The following IGLL5 variants were observed in gnomAD, a reference collection of about 807,000 sequenced individuals.
IGLL5 encodes immunoglobulin lambda-like polypeptide 5.
In IGLL5, 30 loss-of-function variants were observed where a neutral mutation model predicts 20.9. The observed-to-expected ratio is 1.44, with a 90% CI of 1.07 to 1.95. The LOEUF (loss-of-function observed/expected upper bound fraction) is 1.95. Among genes scored for constraint, IGLL5 ranks in the 30% most tolerant of loss-of-function variants. The pLI is 0.00. For synonymous variants in IGLL5, 203 were observed against 117.3 expected, an observed-to-expected ratio of 1.73 and a Z score of -4.72; for missense variants, 475 against 270.7, an observed-to-expected ratio of 1.75 and a Z score of -5.30.
Position 22,888,560 on chromosome 22 carries a change from C to T in IGLL5, c.206+301C>T, listed in dbSNP as rs5759505. On this transcript the variant is annotated intron_variant, in intron 1 of 2. Transcript: ENST00000526893. ...CCTAGTCCTCTGGGTAGGGAAGGAA[C>T]AGAGGCAGGGACAGGACATCCACAG... 1.3e-4 allele frequency among the ~76,000 whole-genome samples: 20 copies of T among 151,326 alleles called. 1 individual carries two copies. The highest frequency in any genetic ancestry group is 7.4e-3 in the Middle Eastern group (2 of 270).
intron 1 of IGLL5, among the ~76,000 whole-genome samples, chr22:22,888,581 C>T (rs569346247): frequency 2.0e-5 from 3 of 151,276 alleles, no homozygotes; most frequent in South Asian, 2.1e-4. Context: ...ACAGGACATC[C>T]ACAGGGGGTG....
chr22:22,893,881 T>A (rs2067940583), intron 2 of IGLL5, 63 bp downstream of exon 2: 3 of 1,157,634 alleles, frequency 2.6e-6, no homozygotes, highest in African/African-American at 1.5e-5. Flanking sequence ...AAATCTGTTT[T>A]CTCTCTCTGG....
intron 1 of IGLL5, among the ~76,000 whole-genome samples, chr22:22,888,613 T>C (rs111380869): frequency 6.6e-6 from 1 of 151,182 alleles, no homozygotes; most frequent in Admixed American, 6.6e-5. Flanking sequence ...CCCCACAGGG[T>C]GCCCAGGCCT....
At chr22:22,889,625 T>G (rs188560729) in intron 1 of IGLL5, among the ~76,000 whole-genome samples, 1 of 151,412 alleles carries the variant, frequency 6.6e-6, no homozygotes, top group South Asian at 2.1e-4. Flanking sequence ...TCTTGATCTG[T>G]TGCTCAGGCT....
At chr22:22,888,408 T>A (rs536150082) in intron 1 of IGLL5, 149 bp downstream of exon 1, 7 of 645,574 alleles carry the variant, frequency 1.1e-5, no homozygotes, top group South Asian at 1.9e-5. Flanking sequence ...TGGGTTGATA[T>A]TTTGTCCATC....
chr22:22,894,006 GAGC>G (rs2067966397), intron 2 of IGLL5, among the ~76,000 whole-genome samples, 188 bp downstream of exon 2: 1 of 149,694 alleles, frequency 6.7e-6, no homozygotes, highest in African/African-American at 2.5e-5. Flanking sequence ...TCCACAGTGG[GAGC>G]AGCCGGATGC....
At position 22,895,532 on chromosome 22, in the gene IGLL5, G is replaced by A. The variant is rs372524996; in HGVS notation, c.483G>A (p.Val161=). The A allele has an allele frequency of 9.4e-5, 152 of 1,612,792 alleles. No individual in the cohort carries two copies. The African/African-American group carries it at 1.9e-3, about 21-fold the overall frequency. Residue 161 remains valine, a synonymous_variant, in exon 3 of 3, where the codon GTG becomes GTA. Transcript: ENST00000526893. ...KADGSPVKAG[V]ETTKPSKQSN... ...ATGGCAGCCCCGTCAAGGCGGGAGT[G>A]GAGACCACCAAACCCTCCAAACAGA...
intron 2 of IGLL5, among the ~76,000 whole-genome samples, chr22:22,894,443 C>T (rs145063051): frequency 2.0e-5 from 3 of 151,460 alleles, no homozygotes; most frequent in South Asian, 2.1e-4. Context: ...TGCCAGAATC[C>T]AACCCTCCCA....
intron 2 of IGLL5, among the ~76,000 whole-genome samples, chr22:22,894,441 T>G (rs142825859): frequency 2.0e-5 from 3 of 151,334 alleles, no homozygotes; most frequent in South Asian, 2.1e-4. Context: ...GGTGCCAGAA[T>G]CCAACCCTCC....
intron 2 of IGLL5, among the ~76,000 whole-genome samples, chr22:22,894,260 A>T (rs2068007683): frequency 2.7e-5 from 4 of 150,140 alleles, no homozygotes; most frequent in South Asian, 2.1e-4. Context: ...TAGGCTGAGG[A>T]CTGGATGCCA....
intron 2 of IGLL5, among the ~76,000 whole-genome samples, chr22:22,894,820 T>G (rs538399238): frequency 6.6e-6 from 1 of 151,222 alleles, no homozygotes; most frequent in African/African-American, 2.4e-5. Flanking sequence ...TGGAGCCCAC[T>G]CCTTGCCAGG....
intron 1 of IGLL5, among the ~76,000 whole-genome samples, chr22:22,888,461 A>C (rs770217789): frequency 2.6e-5 from 4 of 151,302 alleles, no homozygotes; most frequent in East Asian, 2.0e-4. Context: ...ATATTACGAT[A>C]TTATTTTTCT....
intron 1 of IGLL5, among the ~76,000 whole-genome samples, chr22:22,890,394 A>G (rs2067796306): frequency 1.3e-5 from 2 of 150,076 alleles, no homozygotes; most frequent in Admixed American, 1.3e-4. Context: ...TATTCTGCAT[A>G]TTACCAACTT....
At chr22:22,894,032 G>C (rs1347857224) in intron 2 of IGLL5, among the ~76,000 whole-genome samples, 1 of 150,202 alleles carries the variant, frequency 6.7e-6, no homozygotes, top group Non-Finnish European at 1.5e-5. Flanking sequence ...CCTGGTCCCG[G>C]GGCCTGAGCT....
chr22:22,888,339 A>T (rs577412651), intron 1 of IGLL5, 80 bp downstream of exon 1: 3 of 1,330,058 alleles, frequency 2.3e-6, no homozygotes, highest in Non-Finnish European at 3.1e-6. Flanking sequence ...GACAAGCCAG[A>T]GGAGTGAGGA....
intron 2 of IGLL5, among the ~76,000 whole-genome samples, 154 bp downstream of exon 2, chr22:22,893,972 T>A (rs1472200299): frequency 2.6e-5 from 4 of 151,472 alleles, no homozygotes; most frequent in African/African-American, 7.3e-5. Context: ...TGCATTAGTC[T>A]CCGGGTAACC....
At position 22,888,480 on chromosome 22, in the gene IGLL5, G is replaced by T. The variant is rs146883575; in HGVS notation, c.206+221G>T. Among the ~76,000 whole-genome samples the T allele has an allele frequency of 3.2e-4, 48 of 151,426 alleles. 1 individual carries two copies. The highest frequency in any genetic ancestry group is 1.2e-3 in the African/African-American group (48 of 41,338). Reference sequence around the variant, plus strand: ...TACGATATTATTTTTCTTGATTTCTGAGTTTTCTGGCGCCACTTAAATTTT... The same window carrying T: ...TACGATATTATTTTTCTTGATTTCTTAGTTTTCTGGCGCCACTTAAATTTT... On this transcript the variant is annotated intron_variant, in intron 1 of 2. Transcript: ENST00000526893.
chr22:22,893,080 A>G (rs575865430), intron 1 of IGLL5, among the ~76,000 whole-genome samples: 1 of 151,286 alleles, frequency 6.6e-6, no homozygotes, highest in East Asian at 2.0e-4. Flanking sequence ...AGTACCTGAC[A>G]CAGATGGGTG....
chr22:22,894,408 G>C (rs2068027943), intron 2 of IGLL5, among the ~76,000 whole-genome samples: 3 of 151,484 alleles, frequency 2.0e-5, no homozygotes, highest in Admixed American at 6.6e-5. Context: ...TGGGGACACA[G>C]AGGGACGGGT....
Sources: allele counts gnomAD v4.1 joint callset (sites outside exome capture counted in the v4.1 genomes callset), GRCh38; gene constraint gnomAD v4.1.1; transcripts MANE v1.5; gene names NCBI Gene and HGNC (gene_info 2026-07-23, HGNC 2026-07-21).